The following ABCC1 variants were observed in gnomAD, a reference collection of about 807,000 sequenced individuals.
ABCC1 encodes ATP binding cassette subfamily C member 1 (ABCC1 blood group).
In ABCC1, 83 loss-of-function variants were observed where a neutral mutation model predicts 172.9. The observed-to-expected ratio is 0.48, with a 90% CI of 0.40 to 0.58. ABCC1 has a LOEUF of 0.58. Ranked by LOEUF, ABCC1 falls within the 20% of genes least tolerant of loss-of-function variation. The pLI is 0.00. For synonymous variants in ABCC1, 937 were observed against 825.2 expected (o/e 1.14, Z -2.32); for missense variants, 1,817 against 2,002.7 (o/e 0.91, Z 1.77).
chr16:15,967,024 C>T (rs169985), intron 1 of ABCC1, among the ~76,000 whole-genome samples: 76,796 of 151,940 alleles, frequency 0.51, 23,596 homozygotes, highest in South Asian at 0.71. Context: ...CTTTGGTCCC[C>T]TGCCCCCTGA....
intron 12 of ABCC1, among the ~76,000 whole-genome samples, chr16:16,062,839 GT>G (rs529276182): frequency 6.6e-5 from 10 of 152,184 alleles, no homozygotes; most frequent in Admixed American, 6.5e-4. Flanking sequence ...TGATGGGACT[GT>G]TTTTCTGGAA....
chr16:16,078,565 C>T (rs1323092927), intron 15 of ABCC1, among the ~76,000 whole-genome samples: 1 of 152,182 alleles, frequency 6.6e-6, no homozygotes, highest in Admixed American at 6.5e-5. Context: ...CACTACCTAC[C>T]TCAGTGCCAT....
chr16:16,121,603 C>T (rs1331725490), intron 23 of ABCC1, among the ~76,000 whole-genome samples: 1 of 152,188 alleles, frequency 6.6e-6, no homozygotes, highest in African/African-American at 2.4e-5. Context: ...CTGCCCCTTG[C>T]TAGCCATGTG....
intron 12 of ABCC1, among the ~76,000 whole-genome samples, chr16:16,066,389 C>G (rs879827910): frequency 3.3e-5 from 5 of 151,138 alleles, no homozygotes; most frequent in Admixed American, 6.6e-5. Context: ...CCATGTTGGT[C>G]AGGCTGGTCT....
Position 16,086,852 on chromosome 16 carries a change from A to G in ABCC1, c.2321A>G (p.Gln774Arg). ...KGVNLSGGQK[Q>R]RVSLARAVYS... ...GTGAACCTGTCTGGGGGCCAGAAGC[A>G]GCGCGTGAGCCTGGCCCGGGCCGTG... The change falls in exon 18 of 31, where the codon CAG becomes CGG. Residue 774 changes from glutamine to arginine, a missense_variant. Around this residue, in one of 3 missense-constraint regions of ABCC1, gnomAD observed 1,412 missense variants for 1,600.3 expected, o/e 0.88. Transcript: ENST00000399410. The G allele has an allele frequency of 6.2e-7, 1 of 1,614,088 alleles. No homozygotes were observed. The highest frequency in any genetic ancestry group is 2.2e-5 in the East Asian group (1 of 44,872).
At chr16:16,132,109 A>G (rs1427432617) in intron 27 of ABCC1, among the ~76,000 whole-genome samples, 174 bp downstream of exon 27, 3 of 152,138 alleles carry the variant, frequency 2.0e-5, no homozygotes, top group Non-Finnish European at 4.4e-5. Context: ...TTCAGAGCGC[A>G]TACAGCTTGC....
At chr16:16,121,686 G>GT (rs1397676398) in intron 23 of ABCC1, among the ~76,000 whole-genome samples, 1 of 152,164 alleles carries the variant, frequency 6.6e-6, no homozygotes, top group Non-Finnish European at 1.5e-5. Flanking sequence ...AGCACCTCAG[G>GT]TTTTTTGTGA....
intron 1 of ABCC1, among the ~76,000 whole-genome samples, chr16:16,006,777 G>A (rs1567305795): frequency 6.6e-6 from 1 of 151,642 alleles, no homozygotes. Context: ...AGAATGAAAG[G>A]AGATAATACA....
rs535454262 is a variant in ABCC1 at position 15,960,122 on chromosome 16, C to A, written c.48+10323C>A. Among the ~76,000 whole-genome samples the A allele has an allele frequency of 2.0e-5, 3 of 152,252 alleles. No homozygotes were observed. In the South Asian group the frequency reaches 6.2e-4, roughly 32 times the overall value. On this transcript the variant is annotated intron_variant, in intron 1 of 30. Transcript: ENST00000399410. ...TGTTTGACTGATTGATGGATGGAGT[C>A]TTGTTCTGTCGCCCTAGCTGATTGT...
chr16:16,112,189 A>T (rs1205685789), intron 22 of ABCC1, among the ~76,000 whole-genome samples: 1 of 152,010 alleles, frequency 6.6e-6, no homozygotes, highest in Non-Finnish European at 1.5e-5. Flanking sequence ...CTATTTCTAG[A>T]AAAAATAGAT....
At chr16:16,134,658 A>G in intron 28 of ABCC1, 150 bp downstream of exon 28, 1 of 1,006,240 alleles carries the variant, frequency 9.9e-7, no homozygotes. Flanking sequence ...TTTTCCTGAA[A>G]CAGGGTCTCG....
chr16:16,121,488 C>T (rs1417979912), intron 23 of ABCC1, among the ~76,000 whole-genome samples: 1 of 152,214 alleles, frequency 6.6e-6, no homozygotes, highest in African/African-American at 2.4e-5. Context: ...CTGAAAACCA[C>T]ACTGCTGGTT....
intron 24 of ABCC1, among the ~76,000 whole-genome samples, chr16:16,123,619 C>CTCT (rs923155941): frequency 4.6e-5 from 7 of 151,952 alleles, no homozygotes; most frequent in African/African-American, 1.7e-4. Context: ...GAGAGCGAAA[C>CTCT]TCTATCTGAA....
intron 1 of ABCC1, among the ~76,000 whole-genome samples, chr16:16,004,920 C>T (rs2047468198): frequency 6.6e-6 from 1 of 152,026 alleles, no homozygotes; most frequent in South Asian, 2.1e-4. Context: ...CTGCCTAGGC[C>T]TCCCAAAGTG....
intron 21 of ABCC1, among the ~76,000 whole-genome samples, chr16:16,109,159 G>A (rs1043452207): frequency 1.3e-5 from 2 of 152,200 alleles, no homozygotes; most frequent in East Asian, 1.9e-4. Flanking sequence ...CAGCTAGACC[G>A]TAGGGTCAGA....
At chr16:16,064,176 C>A (rs560583608) in intron 12 of ABCC1, among the ~76,000 whole-genome samples, 2 of 152,174 alleles carry the variant, frequency 1.3e-5, no homozygotes, top group African/African-American at 4.8e-5. Context: ...TGGTTTTCCA[C>A]GTTTCTCAGA....
At chr16:16,138,125 C>G (rs577745377) in intron 29 of ABCC1, among the ~76,000 whole-genome samples, 1 of 152,134 alleles carries the variant, frequency 6.6e-6, no homozygotes, top group Non-Finnish European at 1.5e-5. Flanking sequence ...CCAAAGTGCT[C>G]AGATTGTAGG....
At chr16:15,998,917 C>G in intron 1 of ABCC1, among the ~76,000 whole-genome samples, 1 of 152,174 alleles carries the variant, frequency 6.6e-6, no homozygotes, top group East Asian at 1.9e-4. Flanking sequence ...ACTGTATCAG[C>G]ACCTGTCACA....
chr16:16,044,125 A>T (rs1325977595), intron 7 of ABCC1, among the ~76,000 whole-genome samples: 2 of 152,106 alleles, frequency 1.3e-5, no homozygotes, highest in Non-Finnish European at 2.9e-5. Context: ...AACTTATTCA[A>T]CTCGTTTAAT....
Sources: allele counts gnomAD v4.1 joint callset (sites outside exome capture counted in the v4.1 genomes callset), GRCh38; gene constraint gnomAD v4.1.1; regional missense constraint gnomAD v4.1.1; transcripts MANE v1.5; gene names NCBI Gene and HGNC (gene_info 2026-07-23, HGNC 2026-07-21).